The following PIEZO2 variants were observed in gnomAD, a reference collection of about 807,000 sequenced individuals.
PIEZO2 encodes the protein piezo type mechanosensitive ion channel component 2, also known as piezo-type mechanosensitive ion channel component 2.
Under a neutral mutation model 337.3 loss-of-function variants are expected in PIEZO2, and 172 were observed. That is an observed-to-expected ratio of 0.51 (90% CI 0.45 to 0.58). PIEZO2 has a LOEUF of 0.58. PIEZO2 is among the 20% of genes least tolerant of loss of function. The pLI is 0.00. For synonymous variants in PIEZO2, 1,251 were observed against 1,228.5 expected, an observed-to-expected ratio of 1.02 and a Z score of -0.38; for missense variants, 3,028 against 3,391.3, an observed-to-expected ratio of 0.89 and a Z score of 2.66.
At chr18:11,043,588 C>T (rs1395742655) in intron 2 of PIEZO2, among the ~76,000 whole-genome samples, 1 of 152,048 alleles carries the variant, frequency 6.6e-6, no homozygotes, top group Non-Finnish European at 1.5e-5. Flanking sequence ...ACAAATCTAT[C>T]AGTATAACAA....
Position 10,853,255 on chromosome 18 carries a change from C to A in PIEZO2, c.917+2098G>T, listed in dbSNP as rs896237728. ...CAGGGAAGAATCAGGGGAAAAGGGG[C>A]CCAAGACCCCGGAATCAAGCCAATG... On this transcript the variant is annotated intron_variant, in intron 7 of 55. Coordinates refer to ENST00000674853, the MANE Select transcript of PIEZO2 (RefSeq NM_001378183.1). The surrounding 1 kb of genome is among the most constrained non-coding windows in gnomAD (Gnocchi z 4.2). Among the ~76,000 whole-genome samples the A allele has an allele frequency of 6.6e-6, 1 of 152,178 alleles. No individual in the cohort carries two copies. Among genetic ancestry groups the A allele is most frequent in the Non-Finnish European group, 1.5e-5 (1 of 68,032 alleles).
At position 11,096,558 on chromosome 18, in the gene PIEZO2, T is replaced by C. The variant is rs1274612323; in HGVS notation, c.65-30336A>G. On this transcript the variant is annotated intron_variant, in intron 1 of 55. Transcript: ENST00000674853. The surrounding 1 kb of genome is among the most constrained non-coding windows in gnomAD (Gnocchi z 4.6). Reference sequence around the variant, plus strand: ...TCTCTGTGGCCATTCCCAGTTCTTTTCTGCAGGGATTTCCAAGAGAAACAG... The same window carrying C: ...TCTCTGTGGCCATTCCCAGTTCTTTCCTGCAGGGATTTCCAAGAGAAACAG... Among the ~76,000 whole-genome samples, 6 of 152,202 alleles carry C rather than the reference T, an allele frequency of 3.9e-5. No individual in the cohort carries two copies. In the East Asian group the frequency reaches 1.2e-3, roughly 29 times the overall value.
rs555510698 is a variant in PIEZO2, at chr18:11,048,270, G to A, written c.160+17857C>T. 1.2e-4 allele frequency among the ~76,000 whole-genome samples: 18 copies of A among 152,288 alleles called. No homozygotes were observed. The East Asian group carries it at 2.9e-3, about 24-fold the overall frequency. On this transcript the variant is annotated intron_variant, in intron 2 of 55. Transcript: ENST00000674853. This position sits in a 1 kb window ranked among gnomAD's most constrained non-coding sequence, Gnocchi z 4.5. The stretch of plus-strand genomic sequence containing the variant: ...TTTAAAAAATGGAGAAAGGGAAGAG[G>A]GAAAGAAGAAAGGACAAAATGGTGA...
rs181630382 is a variant in PIEZO2 at position 11,032,524 on chromosome 18, G to T, written c.160+33603C>A. On this transcript the variant is annotated intron_variant, in intron 2 of 55. Coordinates refer to ENST00000674853, the MANE Select transcript of PIEZO2 (RefSeq NM_001378183.1). The surrounding 1 kb of genome is among the most constrained non-coding windows in gnomAD (Gnocchi z 4.9). ...GCCAGTCTGGCTGGCTATGGATGAC[G>T]GGTGGGAATTCTGACTACCCTGGTC... Among the ~76,000 whole-genome samples, 5 of 152,296 alleles carry T rather than the reference G, an allele frequency of 3.3e-5. No individual in the cohort carries two copies. The East Asian group carries it at 9.6e-4, about 29-fold the overall frequency.
chr18:10,874,779 G>A (rs2042227905), intron 4 of PIEZO2, among the ~76,000 whole-genome samples: 2 of 152,128 alleles, frequency 1.3e-5, no homozygotes, highest in South Asian at 4.1e-4. Flanking sequence ...TAGAGGCAGA[G>A]AATACAGAGA....
intron 3 of PIEZO2, among the ~76,000 whole-genome samples, chr18:10,925,709 A>G (rs941488032): frequency 6.6e-6 from 1 of 151,962 alleles, no homozygotes; most frequent in African/African-American, 2.4e-5. Flanking sequence ...CTTCCCAAGG[A>G]GCTGGGACTA....
At chr18:10,697,396 TAA>T (rs2035140924) in intron 45 of PIEZO2, among the ~76,000 whole-genome samples, 1 of 152,198 alleles carries the variant, frequency 6.6e-6, no homozygotes, top group South Asian at 2.1e-4. Context: ...CTTCTCAGGA[TAA>T]GAGTGCAGGT....
intron 39 of PIEZO2, 104 bp downstream of exon 39, chr18:10,714,660 T>A (rs2035942521): frequency 7.5e-7 from 1 of 1,327,260 alleles, no homozygotes; most frequent in Non-Finnish European, 1.0e-6. Flanking sequence ...GGTCCATGCA[T>A]GGTTTTGATG....
intron 37 of PIEZO2, among the ~76,000 whole-genome samples, chr18:10,717,391 G>A (rs1038386682): frequency 5.9e-5 from 9 of 152,126 alleles, no homozygotes; most frequent in South Asian, 4.1e-4. Flanking sequence ...GTCTCCTTTC[G>A]TGCCAGCAGA....
rs749177178 is a variant in PIEZO2, at chr18:10,726,518, C to A, written c.5029+4889G>T. ...GCTCCGCAAGCAGCCGTTCCTGTGG[C>A]GCGCTGCGCTGCTCTGCTCTGCTAC... is the stretch of plus-strand genomic sequence containing the variant. On this transcript the variant is annotated intron_variant, in intron 36 of 55. Transcript: ENST00000674853. This position sits in a 1 kb window ranked among gnomAD's most constrained non-coding sequence, Gnocchi z 5.9. 6.8e-7 allele frequency: 1 copy of A among 1,479,122 alleles called. No individual in the cohort carries two copies. The highest frequency in any genetic ancestry group is 8.9e-7 in the Non-Finnish European group (1 of 1,117,600). The allele number at this position is 1,479,122 out of a possible 1,614,324, so 91.6% of individuals were successfully genotyped here.
At position 10,828,391 on chromosome 18, in the gene PIEZO2, G is replaced by T. The variant is rs149495553; in HGVS notation, c.918-21117C>A. On this transcript the variant is annotated intron_variant, in intron 7 of 55. Transcript: ENST00000674853. This position sits in a 1 kb window ranked among gnomAD's most constrained non-coding sequence, Gnocchi z 4.1. ...CTTCAGAATGAGAAATGGAGCTGCT[G>T]CCCTGAAGAAATTCCTATTTTAACA... 6.6e-6 allele frequency among the ~76,000 whole-genome samples: 1 copy of T among 152,244 alleles called. No individual in the cohort carries two copies. Among genetic ancestry groups the T allele is most frequent in the East Asian group, 1.9e-4 (1 of 5,176 alleles).
chr18:11,067,195 T>C (rs752306813), intron 1 of PIEZO2, among the ~76,000 whole-genome samples: 4 of 152,112 alleles, frequency 2.6e-5, no homozygotes, highest in Non-Finnish European at 5.9e-5. Context: ...CTTAATACAA[T>C]GTATACTATT....
rs781601902 is a variant in PIEZO2, at chr18:10,903,039, C to A, written c.329+8147G>T. ...TATCCCCAGCCTTTCCAGGCTGCCC[C>A]GGGGAGACAGCAGCTATGGGGAGGC... is the stretch of plus-strand genomic sequence containing the variant. On this transcript the variant is annotated intron_variant, in intron 4 of 55. Transcript: ENST00000674853. The surrounding 1 kb of genome is among the most constrained non-coding windows in gnomAD (Gnocchi z 4.1). Among the ~76,000 whole-genome samples the A allele has an allele frequency of 6.6e-6, 1 of 152,124 alleles. No individual in the cohort carries two copies. The highest frequency in any genetic ancestry group is 1.5e-5 in the Non-Finnish European group (1 of 68,020).
rs114669014 is a variant in PIEZO2, at chr18:10,803,481, A to C, written c.1200+394T>G. ...TTTATTTTCAAGTAATTGTCTGCCA[A>C]ATACCCAAATCAACCAAATACCCGA... On this transcript the variant is annotated intron_variant, in intron 9 of 55. Coordinates refer to ENST00000674853, the MANE Select transcript of PIEZO2 (RefSeq NM_001378183.1). Among the ~76,000 whole-genome samples the C allele has an allele frequency of 7.8e-3, 1,192 of 152,332 alleles. 14 individuals are homozygous for C. Among genetic ancestry groups the C allele is most frequent in the African/African-American group, 0.027 (1,139 of 41,566 alleles).
chr18:10,814,871 G>C (rs559521353), intron 7 of PIEZO2, among the ~76,000 whole-genome samples: 24 of 152,316 alleles, frequency 1.6e-4, no homozygotes, highest in African/African-American at 5.3e-4. Context: ...AGCCTTGAAA[G>C]GGGGAGGAAG....
intron 2 of PIEZO2, among the ~76,000 whole-genome samples, chr18:11,019,423 T>G (rs1454401283): frequency 2.6e-5 from 4 of 152,358 alleles, no homozygotes; most frequent in African/African-American, 9.6e-5. Flanking sequence ...TTTGGATCAC[T>G]GGAACAGGTA....
rs2040163505 is a variant in PIEZO2, at chr18:11,125,715, A to G, written c.64+22810T>C. ...AAGAGAGTCTAGTTCAGGGCAGGAC[A>G]ACATTCCAGCCCCCACTGACAGCAA... On this transcript the variant is annotated intron_variant, in intron 1 of 55. Coordinates refer to ENST00000674853, the MANE Select transcript of PIEZO2 (RefSeq NM_001378183.1). This position sits in a 1 kb window ranked among gnomAD's most constrained non-coding sequence, Gnocchi z 4.4. Among the ~76,000 whole-genome samples, 1 of 152,242 alleles carries G rather than the reference A, an allele frequency of 6.6e-6. No homozygotes were observed. Among genetic ancestry groups the G allele is most frequent in the African/African-American group, 2.4e-5 (1 of 41,460 alleles).
In PIEZO2 at chr18:11,033,395, C is replaced by T. The variant is rs554709845; in HGVS notation, c.160+32732G>A. 9.8e-5 allele frequency among the ~76,000 whole-genome samples: 15 copies of T among 152,338 alleles called. No individual in the cohort carries two copies. The highest frequency in any genetic ancestry group is 2.1e-4 in the South Asian group (1 of 4,828). On this transcript the variant is annotated intron_variant, in intron 2 of 55. Coordinates refer to ENST00000674853, the MANE Select transcript of PIEZO2 (RefSeq NM_001378183.1). The surrounding 1 kb of genome is among the most constrained non-coding windows in gnomAD (Gnocchi z 4.2). ...TTCTCCTGCCCACCTAAGGCAGACA[C>T]GCCCCTGGATTTGTGTGAACATTCT...
In PIEZO2 at chr18:10,811,979, G is replaced by A. The variant is rs190063515; in HGVS notation, c.918-4705C>T. On this transcript the variant is annotated intron_variant, in intron 7 of 55. Transcript: ENST00000674853. ...CTCCCGAGTAGCTGAGATTACAGGC[G>A]CCCGCCACCACGCCCGGCTAACTTT... 5.2e-3 allele frequency among the ~76,000 whole-genome samples: 797 copies of A among 152,198 alleles called. 8 individuals are homozygous for A. The highest frequency in any genetic ancestry group is 0.022 in the Admixed American group (337 of 15,278).
Sources: allele counts gnomAD v4.1 joint callset (sites outside exome capture counted in the v4.1 genomes callset), GRCh38; gene constraint gnomAD v4.1.1; non-coding constraint Gnocchi (gnomAD v3.1); transcripts MANE v1.5; gene names NCBI Gene and HGNC (gene_info 2026-07-23, HGNC 2026-07-21).